The following ABCA3 variants were observed in gnomAD, a reference collection of about 807,000 sequenced individuals.
ABCA3 encodes the protein ATP binding cassette subfamily A member 3.
In ABCA3, 88 loss-of-function variants were observed where a neutral mutation model predicts 172.8. The ratio of observed to expected loss-of-function variants is 0.51; its 90% CI spans 0.43 to 0.61. The LOEUF is 0.61. Ranked by LOEUF, ABCA3 falls within the 20% of genes least tolerant of loss-of-function variation. The pLI is 0.00. For missense variants in ABCA3, 2,164 were observed against 2,301.0 expected (o/e 0.94, Z 1.22); for synonymous variants, 1,066 against 983.8 (o/e 1.08, Z -1.56).
In ABCA3 at chr16:2,297,689, G is replaced by C. The variant is rs2093682094; in HGVS notation, c.2052+77C>G. ...CTTGTCTGGGGTGTCAAGGGCCAAG[G>C]TGCCCGGGCCATGGCGGAAGGGCCA... is the stretch of plus-strand genomic sequence containing the variant. On this transcript the variant is annotated intron_variant, in intron 16 of 32. Transcript: ENST00000301732. This position sits in a 1 kb window ranked among gnomAD's most constrained non-coding sequence, Gnocchi z 5.6. The C allele has an allele frequency of 1.9e-6, 3 of 1,598,962 alleles. No individual in the cohort carries two copies. The African/African-American group carries it at 4.0e-5, about 21-fold the overall frequency.
intron 1 of ABCA3, chr16:2,339,050 C>G (rs1340182441): frequency 6.6e-6 from 1 of 152,364 alleles, no homozygotes; most frequent in Non-Finnish European, 1.5e-5. Context: ...GCCACTTAGC[C>G]CGGCTTCCAA....
At position 2,297,475 on chromosome 16, in the gene ABCA3, A is replaced by T. The variant is rs1226656475; in HGVS notation, c.2117T>A (p.Leu706His). The part of the protein sequence containing the change: ...DAISRRAIWD[L>H]LQRQKSDRTI... ...GCGGTCACTTTTCTGCCGCTGAAGA[A>T]GATCCCAGATGGCCCTCCTGGAGAT... The change falls in exon 17 of 33, where the codon CTT becomes CAT. Residue 706 changes from leucine to histidine, a missense_variant. Leu to His is a moderately conservative substitution (Grantham distance 99). This residue lies in a region of ABCA3 where 1,343 missense variants were observed against 1,369.6 expected (regional missense o/e 0.98). Coordinates refer to ENST00000301732, the MANE Select transcript of ABCA3 (RefSeq NM_001089.3). The surrounding 1 kb of genome is among the most constrained non-coding windows in gnomAD (Gnocchi z 5.6). 1 of 1,613,736 alleles carries T rather than the reference A, an allele frequency of 6.2e-7. No individual in the cohort carries two copies. Among genetic ancestry groups the T allele is most frequent in the South Asian group, 1.1e-5 (1 of 91,074 alleles).
intron 10 of ABCA3, among the ~76,000 whole-genome samples, chr16:2,314,608 C>T (rs2093711912): frequency 6.6e-6 from 1 of 151,968 alleles, no homozygotes; most frequent in South Asian, 2.1e-4. Context: ...CCAAGTTTCA[C>T]TCTTGTTGCC....
intron 1 of ABCA3, among the ~76,000 whole-genome samples, chr16:2,334,046 T>C (rs1395801626): frequency 6.6e-6 from 1 of 152,122 alleles, no homozygotes; most frequent in Non-Finnish European, 1.5e-5. Flanking sequence ...TTGCATGCAC[T>C]GTAATTGCTG....
intron 1 of ABCA3, chr16:2,339,356 A>T (rs2093756784): frequency 6.6e-6 from 1 of 152,214 alleles, no homozygotes; most frequent in Non-Finnish European, 1.5e-5. Flanking sequence ...GAAGGGAGAG[A>T]CGTCGTCCTG....
intron 19 of ABCA3, among the ~76,000 whole-genome samples, chr16:2,290,767 A>G (rs1327918906): frequency 6.6e-6 from 1 of 152,180 alleles, no homozygotes; most frequent in African/African-American, 2.4e-5. Context: ...TCCCCTGCAC[A>G]GGTGTCCCCA....
intron 13 of ABCA3, 128 bp from the exon 14 acceptor site, chr16:2,299,660 G>A: frequency 6.8e-7 from 1 of 1,462,210 alleles, no homozygotes; most frequent in Middle Eastern, 1.7e-4. Context: ...GTGTGCAGAG[G>A]GGAGGGACGT....
chr16:2,298,555 G>T lies in ABCA3; in HGVS notation c.1742-15C>A. 1.2e-6 allele frequency: 2 copies of T among 1,612,272 alleles called. No individual in the cohort carries two copies. The highest frequency in any genetic ancestry group is 1.1e-5 in the South Asian group (1 of 91,034). On this transcript the variant is annotated splice_polypyrimidine_tract_variant and intron_variant, in intron 14 of 32. Transcript: ENST00000301732. The stretch of plus-strand genomic sequence containing the variant: ...GGGAAAGAGACCTGGGGCCCAGCAG[G>T]AGACCCCACATTCAGCATGAAGATC...
At position 2,285,824 on chromosome 16, in the gene ABCA3, A is replaced by G. The variant is rs1893538412; in HGVS notation, c.3279-178T>C. 6.6e-6 allele frequency among the ~76,000 whole-genome samples: 1 copy of G among 152,098 alleles called. No homozygotes were observed. Among genetic ancestry groups the G allele is most frequent in the South Asian group, 2.1e-4 (1 of 4,812 alleles). ...CGGGAACATCTGCCCCCACCGGAGA[A>G]CGGTTCCTCTGGAATTCCTATGCTG... On this transcript the variant is annotated intron_variant, in intron 22 of 32. Transcript: ENST00000301732. This position sits in a 1 kb window ranked among gnomAD's most constrained non-coding sequence, Gnocchi z 4.7.
In ABCA3 at chr16:2,326,283, G is replaced by C. The variant is rs767259310; in HGVS notation, c.55-9C>G. On this transcript the variant is annotated splice_polypyrimidine_tract_variant and intron_variant, in intron 4 of 32. Coordinates refer to ENST00000301732, the MANE Select transcript of ABCA3 (RefSeq NM_001089.3). ...ACCAGGACCTTCCGCTTCTGGAAGA[G>C]ATACAATAGGGCACGGTGATGGGCT... The C allele has an allele frequency of 1.2e-6, 2 of 1,612,520 alleles. No individual in the cohort carries two copies. Among genetic ancestry groups the C allele is most frequent in the South Asian group, 2.2e-5 (2 of 91,082 alleles).
chr16:2,332,415 G>A, intron 1 of ABCA3: 5 of 1,203,180 alleles, frequency 4.2e-6, no homozygotes, highest in Non-Finnish European at 6.1e-6. Flanking sequence ...GGTCATACAG[G>A]ATGAGGATGT....
At position 2,326,199 on chromosome 16, in the gene ABCA3, A is replaced by G; in HGVS notation, c.130T>C (p.Leu44=). The change falls in exon 5 of 33, where the codon TTG becomes CTG. Residue 44 remains leucine, a synonymous_variant. Transcript: ENST00000301732. ...GGCACATTTTCCGACTGAATCTTCA[A>G]GCGGAGCCAGATGAGGATCCCAGAA... ...LFSGILIWLR[L]KIQSENVPNA... The G allele has an allele frequency of 1.2e-6, 2 of 1,614,130 alleles. No homozygotes were observed. The highest frequency in any genetic ancestry group is 8.5e-7 in the Non-Finnish European group (1 of 1,180,038).
At chr16:2,295,778 C>T in intron 17 of ABCA3, 38 bp from the exon 18 acceptor site, 1 of 1,612,986 alleles carries the variant, frequency 6.2e-7, no homozygotes, top group Non-Finnish European at 8.5e-7. Context: ...TTTGGCTGAT[C>T]CCCCAGGTCT....
In ABCA3 at chr16:2,295,751, G is replaced by A; in HGVS notation, c.2264-11C>T. 6 of 1,613,730 alleles carry A rather than the reference G, an allele frequency of 3.7e-6. No homozygotes were observed. Among genetic ancestry groups the A allele is most frequent in the Non-Finnish European group, 5.1e-6 (6 of 1,180,040 alleles). On this transcript the variant is annotated splice_polypyrimidine_tract_variant and intron_variant, in intron 17 of 32. Coordinates refer to ENST00000301732, the MANE Select transcript of ABCA3 (RefSeq NM_001089.3). ...TGTGATAGCCGGCACCTGGAATACA[G>A]GGCCACGTGTGAGATCTTTGGCTGA...
intron 1 of ABCA3, among the ~76,000 whole-genome samples, chr16:2,340,150 C>T (rs939025085): frequency 6.6e-6 from 1 of 152,254 alleles, no homozygotes; most frequent in African/African-American, 2.4e-5. Flanking sequence ...GCGGCGCCAT[C>T]TCCGCAAGTG....
chr16:2,304,747 C>T (rs2093694957), intron 11 of ABCA3, among the ~76,000 whole-genome samples: 1 of 150,334 alleles, frequency 6.7e-6, no homozygotes, highest in African/African-American at 2.4e-5. Flanking sequence ...ACGATCTCGG[C>T]TCACTGCAAG....
At chr16:2,298,650 C>A in intron 14 of ABCA3, 110 bp from the exon 15 acceptor site, 1 of 1,411,852 alleles carries the variant, frequency 7.1e-7, no homozygotes, top group Non-Finnish European at 9.7e-7. Context: ...TCTGAGGACC[C>A]TGCCCATGAG....
intron 10 of ABCA3, among the ~76,000 whole-genome samples, chr16:2,315,229 C>A (rs1381513519): frequency 1.3e-5 from 2 of 151,628 alleles, no homozygotes; most frequent in Non-Finnish European, 2.9e-5. Context: ...CACACACACA[C>A]ACACACACAC....
At chr16:2,282,788 C>G (rs539976880) in intron 26 of ABCA3, among the ~76,000 whole-genome samples, 24 of 127,538 alleles carry the variant, frequency 1.9e-4, no homozygotes, top group African/African-American at 5.5e-4. Flanking sequence ...CTCTGCTCAG[C>G]AGGACTGGGC....
Sources: allele counts gnomAD v4.1 joint callset (sites outside exome capture counted in the v4.1 genomes callset), GRCh38; gene constraint gnomAD v4.1.1; regional missense constraint gnomAD v4.1.1; non-coding constraint Gnocchi (gnomAD v3.1); transcripts MANE v1.5; gene names NCBI Gene and HGNC (gene_info 2026-07-23, HGNC 2026-07-21).